PLCXD2: variants seen among roughly 807,000 people sequenced by gnomAD.
PLCXD2 encodes PI-PLC X domain-containing protein 2.
Under a neutral mutation model 28.6 loss-of-function variants are expected in PLCXD2, and 21 were observed. The ratio of observed to expected loss-of-function variants is 0.73; its 90% CI spans 0.52 to 1.06. The LOEUF is 1.06. Among genes scored for constraint, PLCXD2 ranks in the 50% least tolerant of loss-of-function variants. PLCXD2 has a pLI of 0.00. For missense variants in PLCXD2, 369 were observed against 376.7 expected (o/e 0.98, Z 0.17); for synonymous variants, 140 against 150.1 (o/e 0.93, Z 0.49).
At chr3:111,682,605 G>GA (rs920838851) in intron 1 of PLCXD2, among the ~76,000 whole-genome samples, 1 of 152,198 alleles carries the variant, frequency 6.6e-6, no homozygotes, top group Non-Finnish European at 1.5e-5. Context: ...TGGTGGAACT[G>GA]AAAAATGCCT....
chr3:111,723,420 A>G (rs1296949418), intron 3 of PLCXD2: 2 of 152,234 alleles, frequency 1.3e-5, no homozygotes, highest in African/African-American at 4.8e-5. Context: ...AGTGCACCTC[A>G]GTGTTTGCAT....
At chr3:111,692,105 G>T (rs1940886420) in intron 1 of PLCXD2, among the ~76,000 whole-genome samples, 1 of 152,170 alleles carries the variant, frequency 6.6e-6, no homozygotes, top group African/African-American at 2.4e-5. Flanking sequence ...GCAGTGGCGC[G>T]ATCTCGGCTC....
intron 1 of PLCXD2, among the ~76,000 whole-genome samples, chr3:111,694,845 T>G (rs1213028077): frequency 6.6e-6 from 1 of 152,206 alleles, no homozygotes; most frequent in Admixed American, 6.5e-5. Context: ...ACATTCATGC[T>G]GAAGGAGGAG....
At chr3:111,677,970 C>T (rs572709026) in intron 1 of PLCXD2, among the ~76,000 whole-genome samples, 1 of 152,280 alleles carries the variant, frequency 6.6e-6, no homozygotes, top group Non-Finnish European at 1.5e-5. Context: ...GTGCTTCAAC[C>T]TGTTGTGTGC....
At chr3:111,681,490 T>G (rs966807287) in intron 1 of PLCXD2, among the ~76,000 whole-genome samples, 1 of 152,192 alleles carries the variant, frequency 6.6e-6, no homozygotes, top group African/African-American at 2.4e-5. Context: ...TCCTTATACA[T>G]GTTTTATAAT....
chr3:111,703,533 G>T (rs1195094602), intron 1 of PLCXD2, among the ~76,000 whole-genome samples: 1 of 152,176 alleles, frequency 6.6e-6, no homozygotes, highest in Non-Finnish European at 1.5e-5. Flanking sequence ...TCTCCTCCAC[G>T]CTTGGATAAT....
intron 1 of PLCXD2, among the ~76,000 whole-genome samples, chr3:111,680,479 G>T (rs1576452296): frequency 6.6e-6 from 1 of 151,772 alleles, no homozygotes; most frequent in East Asian, 1.9e-4. Flanking sequence ...AATCATACAA[G>T]ACCAAAACTG....
At chr3:111,726,194 C>T (rs1576467941) in intron 3 of PLCXD2, 1 of 243,408 alleles carries the variant, frequency 4.1e-6, no homozygotes, top group Non-Finnish European at 7.8e-6. Flanking sequence ...TGCAGTTTTA[C>T]ATTTGTTATT....
At chr3:111,695,451 T>C (rs1299971571) in intron 1 of PLCXD2, among the ~76,000 whole-genome samples, 2 of 152,194 alleles carry the variant, frequency 1.3e-5, no homozygotes, top group African/African-American at 4.8e-5. Context: ...ATAGAACAAT[T>C]ATAACAATAT....
chr3:111,688,813 A>G (rs1011465694), intron 1 of PLCXD2, among the ~76,000 whole-genome samples: 1 of 152,196 alleles, frequency 6.6e-6, no homozygotes, highest in Non-Finnish European at 1.5e-5. Flanking sequence ...TAAACAAGAT[A>G]AATGTAAATT....
rs1002855800 is a variant in PLCXD2 at position 111,713,870 on chromosome 3, T to G, written c.625-17T>G. On this transcript the variant is annotated splice_polypyrimidine_tract_variant and intron_variant, in intron 2 of 4. Transcript: ENST00000477665. ...TTTTTATGGATTGCTCTCCTTTTTG[T>G]GTTTTGAATATTTCAGGTTCTTATT... The G allele has an allele frequency of 6.2e-7, 1 of 1,603,204 alleles. No homozygotes were observed. Among genetic ancestry groups the G allele is most frequent in the African/African-American group, 1.3e-5 (1 of 74,734 alleles).
intron 3 of PLCXD2, among the ~76,000 whole-genome samples, chr3:111,716,838 G>A (rs1164722798): frequency 6.6e-6 from 1 of 152,156 alleles, no homozygotes; most frequent in African/African-American, 2.4e-5. Context: ...GGATATTAGG[G>A]TGGGCCCTAA....
At chr3:111,711,406 A>G (rs1941198140) in intron 2 of PLCXD2, among the ~76,000 whole-genome samples, 1 of 152,214 alleles carries the variant, frequency 6.6e-6, no homozygotes, top group African/African-American at 2.4e-5. Context: ...CTCCGTCTCA[A>G]AAAAATAAAT....
rs779661439 is a variant in PLCXD2, at chr3:111,708,134, C to A, written c.372C>A (p.Ala124=). 6.2e-7 allele frequency: 1 copy of A among 1,614,170 alleles called. No homozygotes were observed. ...GTGTGTCTTCCAAACCAGGGGATGC[C>A]GACCAGGAGATCTACTTCATCCATG... is the stretch of plus-strand genomic sequence containing the variant. The change falls in exon 2 of 5, where the codon GCC becomes GCA. Residue 124 remains alanine, a synonymous_variant. Coordinates refer to ENST00000477665, the MANE Select transcript of PLCXD2 (RefSeq NM_001185106.1).
At chr3:111,686,496 A>G (rs951144109) in intron 1 of PLCXD2, among the ~76,000 whole-genome samples, 6 of 152,216 alleles carry the variant, frequency 3.9e-5, no homozygotes, top group Non-Finnish European at 8.8e-5. Flanking sequence ...CACATGCCTC[A>G]TGGAAAATAA....
chr3:111,684,314 G>C lies in PLCXD2; in HGVS notation c.163+8906G>C, dbSNP rs551762218. 4.1e-5 allele frequency among the ~76,000 whole-genome samples: 6 copies of C among 145,600 alleles called. No homozygotes were observed. In the South Asian group the frequency reaches 8.8e-4, roughly 21 times the overall value. On this transcript the variant is annotated intron_variant, in intron 1 of 4. Transcript: ENST00000477665. ...CATTGCACTCCAGACTGCTGACAGAGTGAGACTCCATCTAAAAAAAAAAAA... is the reference window on the plus strand; with the variant it reads ...CATTGCACTCCAGACTGCTGACAGACTGAGACTCCATCTAAAAAAAAAAAA...
At chr3:111,675,480 G>C in intron 1 of PLCXD2, 72 bp downstream of exon 1, 1 of 1,561,688 alleles carries the variant, frequency 6.4e-7, no homozygotes, top group Non-Finnish European at 8.8e-7. Context: ...GGGTTGGGTT[G>C]CTTTTCTATT....
chr3:111,710,237 A>G (rs1218554593), intron 2 of PLCXD2, among the ~76,000 whole-genome samples: 6 of 152,222 alleles, frequency 3.9e-5, no homozygotes, highest in African/African-American at 9.6e-5. Context: ...GACTTTTGTA[A>G]GTGATATTTT....
Position 111,687,046 on chromosome 3 carries a change from C to T in PLCXD2, c.163+11638C>T, listed in dbSNP as rs577891947. Among the ~76,000 whole-genome samples the T allele has an allele frequency of 2.3e-3, 350 of 152,282 alleles. 4 individuals carry two copies. Among genetic ancestry groups the T allele is most frequent in the Non-Finnish European group, 3.0e-3 (201 of 68,026 alleles). On this transcript the variant is annotated intron_variant, in intron 1 of 4. Transcript: ENST00000477665. ...GGGAAAGGATCAGGAGAGCTAGGCC[C>T]ACCAGCCTTAGGCAACTCTCTGAGC...
Sources: gnomAD v4.1 joint callset for allele counts (sites outside exome capture counted in the v4.1 genomes callset) on GRCh38, gnomAD v4.1.1 for gene constraint, MANE v1.5 for transcripts, NCBI Gene and HGNC (gene_info 2026-07-23, HGNC 2026-07-21) for gene names.